RELN: variants seen among roughly 807,000 people sequenced by gnomAD.
The protein encoded by RELN is reelin.
RELN carries 108 observed loss-of-function variants against 427.6 expected under a neutral mutation model. The ratio of observed to expected loss-of-function variants is 0.25; its 90% CI spans 0.22 to 0.30. The LOEUF (loss-of-function observed/expected upper bound fraction) is 0.30. Ranked by LOEUF, RELN falls within the 10% of genes least tolerant of loss-of-function variation. RELN has a pLI of 1.00. For synonymous variants in RELN, 1,524 were observed against 1,513.4 expected, an observed-to-expected ratio of 1.01 and a Z score of -0.16; for missense variants, 3,715 against 4,302.8, an observed-to-expected ratio of 0.86 and a Z score of 3.82.
At chr7:103,727,601 A>C (rs547220344) in intron 7 of RELN, among the ~76,000 whole-genome samples, 9 of 152,336 alleles carry the variant, frequency 5.9e-5, no homozygotes, top group African/African-American at 2.2e-4. Flanking sequence ...TCTGCTTCTA[A>C]GTAATTTGAG....
chr7:103,595,860 C>T (rs563630524), intron 25 of RELN, among the ~76,000 whole-genome samples: 1 of 151,978 alleles, frequency 6.6e-6, no homozygotes, highest in Non-Finnish European at 1.5e-5. Flanking sequence ...AAATACATTG[C>T]CTGGTACTGG....
chr7:103,966,445 G>A (rs965005794), intron 1 of RELN, among the ~76,000 whole-genome samples: 63 of 152,212 alleles, frequency 4.1e-4, no homozygotes, highest in Admixed American at 4.1e-3. Flanking sequence ...AAGACATGCC[G>A]AGAACATGTA....
At chr7:103,689,523 ACAC>A (rs992135406) in intron 10 of RELN, among the ~76,000 whole-genome samples, 89 of 152,012 alleles carry the variant, frequency 5.9e-4, no homozygotes, top group African/African-American at 2.1e-3. Flanking sequence ...AAACACACAC[ACAC>A]CAAGTGTTCA....
chr7:103,570,491 G>C (rs1053275592), intron 31 of RELN, among the ~76,000 whole-genome samples: 3 of 152,156 alleles, frequency 2.0e-5, no homozygotes, highest in African/African-American at 7.2e-5. Flanking sequence ...ATTTGTTTCT[G>C]TCTAGCCCTT....
At chr7:103,965,559 AT>A (rs1199434963) in intron 1 of RELN, among the ~76,000 whole-genome samples, 1 of 152,204 alleles carries the variant, frequency 6.6e-6, no homozygotes, top group South Asian at 2.1e-4. Flanking sequence ...TCTGTCACGT[AT>A]TTTGATTCTT....
chr7:103,643,376 C>T (rs866703531), intron 16 of RELN, among the ~76,000 whole-genome samples: 6 of 151,906 alleles, frequency 3.9e-5, no homozygotes, highest in South Asian at 2.1e-4. Flanking sequence ...AATAAGAAAC[C>T]GAACAATCAG....
intron 1 of RELN, among the ~76,000 whole-genome samples, chr7:103,921,810 C>T (rs932895460): frequency 4.6e-5 from 7 of 150,790 alleles, no homozygotes; most frequent in African/African-American, 9.9e-5. Flanking sequence ...AACCAGAACA[C>T]GTTCTATACT....
intron 1 of RELN, among the ~76,000 whole-genome samples, chr7:103,935,787 A>G (rs1584381895): frequency 6.6e-6 from 1 of 152,198 alleles, no homozygotes; most frequent in East Asian, 1.9e-4. Flanking sequence ...TCTGGAGTTC[A>G]GAGACATCAG....
chr7:103,791,301 T>A (rs112808038), intron 3 of RELN, among the ~76,000 whole-genome samples: 1 of 152,114 alleles, frequency 6.6e-6, no homozygotes, highest in Non-Finnish European at 1.5e-5. Flanking sequence ...AAAATAATCA[T>A]GATAAAGAAG....
intron 10 of RELN, among the ~76,000 whole-genome samples, chr7:103,688,519 G>T (rs1037978435): frequency 1.3e-5 from 2 of 152,018 alleles, no homozygotes; most frequent in African/African-American, 4.8e-5. Flanking sequence ...TAGGTTTAAA[G>T]GTGAATTCTA....
At chr7:103,822,394 C>A (rs952176434) in intron 3 of RELN, among the ~76,000 whole-genome samples, 1 of 151,924 alleles carries the variant, frequency 6.6e-6, no homozygotes. Flanking sequence ...AAACTAACTG[C>A]AAATCAAAAA....
chr7:103,938,366 T>C (rs1292405211), intron 1 of RELN, among the ~76,000 whole-genome samples: 1 of 152,182 alleles, frequency 6.6e-6, no homozygotes, highest in Non-Finnish European at 1.5e-5. Context: ...CCCAGACATG[T>C]TTTTAGAAAT....
At chr7:103,798,331 T>C (rs918462536) in intron 3 of RELN, among the ~76,000 whole-genome samples, 1 of 152,196 alleles carries the variant, frequency 6.6e-6, no homozygotes, top group Non-Finnish European at 1.5e-5. Context: ...AGTATTAAGA[T>C]CTTTGGCAAA....
intron 2 of RELN, among the ~76,000 whole-genome samples, chr7:103,898,929 A>T (rs1305557242): frequency 1.3e-5 from 2 of 152,092 alleles, no homozygotes; most frequent in East Asian, 3.8e-4. Flanking sequence ...AGATTAAGCC[A>T]TTCTTATAGT....
chr7:103,684,016 G>C (rs1457878991), intron 10 of RELN, among the ~76,000 whole-genome samples: 9 of 152,156 alleles, frequency 5.9e-5, no homozygotes, highest in African/African-American at 1.9e-4. Context: ...AAGGTTTGCA[G>C]TGGTAAAATG....
intron 57 of RELN, among the ~76,000 whole-genome samples, chr7:103,492,271 AAATT>A (rs1201639409): frequency 1.3e-4 from 20 of 152,362 alleles, no homozygotes; most frequent in Admixed American, 5.2e-4. Flanking sequence ...GTATAATAAA[AAATT>A]AATCACAAAT....
intron 41 of RELN, among the ~76,000 whole-genome samples, chr7:103,549,505 G>A (rs1270053104): frequency 2.0e-5 from 3 of 152,180 alleles, no homozygotes; most frequent in African/African-American, 7.2e-5. Context: ...CAGTGCCTAA[G>A]CTATCTAGGC....
At chr7:103,740,631 A>G (rs1790620618) in intron 6 of RELN, among the ~76,000 whole-genome samples, 1 of 152,178 alleles carries the variant, frequency 6.6e-6, no homozygotes, top group African/African-American at 2.4e-5. Flanking sequence ...ATGTACATGT[A>G]CAGTCATTAG....
At chr7:103,540,590 C>A in intron 43 of RELN, 135 bp from the exon 44 acceptor site, 2 of 763,878 alleles carry the variant, frequency 2.6e-6, no homozygotes, top group East Asian at 2.6e-5. Flanking sequence ...GTGTCCAAAG[C>A]AATCACTTCA....
Sources: allele counts gnomAD v4.1 joint callset (sites outside exome capture counted in the v4.1 genomes callset), GRCh38; gene constraint gnomAD v4.1.1; transcripts MANE v1.5; gene names NCBI Gene and HGNC (gene_info 2026-07-23, HGNC 2026-07-21).